Variants in CSNK1A1 observed in about 807,000 individuals in gnomAD.
The protein encoded by CSNK1A1 is casein kinase 1 alpha 1, also known as casein kinase I isoform alpha.
In CSNK1A1, 7 loss-of-function variants were observed where a neutral mutation model predicts 46.1. That is an observed-to-expected ratio of 0.15 (90% CI 0.09 to 0.29). CSNK1A1 has a LOEUF of 0.29. Ranked by LOEUF, CSNK1A1 falls within the 10% of genes least tolerant of loss-of-function variation. The probability of loss-of-function intolerance (pLI) is 1.00; values close to 1 mark genes in which losing one functional copy is unlikely to be tolerated. For missense variants in CSNK1A1, 96 were observed against 417.1 expected, an observed-to-expected ratio of 0.23 and a Z score of 6.71; for synonymous variants, 137 against 141.5, an observed-to-expected ratio of 0.97 and a Z score of 0.23.
intron 9 of CSNK1A1, chr5:149,501,691 TCCA>T: frequency 1.0e-6 from 1 of 985,402 alleles, no homozygotes; most frequent in Non-Finnish European, 1.2e-6. Flanking sequence ...TATCCAAGAA[TCCA>T]CCTTTGGGTT....
chr5:149,548,817 C>A (rs1333220152), intron 2 of CSNK1A1, among the ~76,000 whole-genome samples: 1 of 152,210 alleles, frequency 6.6e-6, no homozygotes, highest in Non-Finnish European at 1.5e-5. Context: ...CCATTCATTG[C>A]ACTCCAGCCT....
Position 149,550,382 on chromosome 5 carries a change from T to A in CSNK1A1, c.124-201A>T, listed in dbSNP as rs1043706472. ...AGGGGGTAGTGACGAAATCCGTACG[T>A]CCTCTAAAGTGCAGGAAAATGATTC... On this transcript the variant is annotated intron_variant, in intron 1 of 9. Coordinates refer to ENST00000377843, the MANE Select transcript of CSNK1A1 (RefSeq NM_001892.6). This position sits in a 1 kb window ranked among gnomAD's most constrained non-coding sequence, Gnocchi z 4.3. The A allele has an allele frequency of 7.3e-7, 1 of 1,367,306 alleles. No individual in the cohort carries two copies. The highest frequency in any genetic ancestry group is 9.4e-7 in the Non-Finnish European group (1 of 1,061,106). 84.7% of individuals were successfully genotyped at this position (1,367,306 alleles called of 1,614,324 possible).
chr5:149,510,115 C>T (rs1761170011), intron 6 of CSNK1A1, among the ~76,000 whole-genome samples, 162 bp from the exon 7 acceptor site: 1 of 151,968 alleles, frequency 6.6e-6, no homozygotes, highest in African/African-American at 2.4e-5. Context: ...AAAAATTTTT[C>T]CCAAACTGTT....
intron 2 of CSNK1A1, among the ~76,000 whole-genome samples, chr5:149,541,970 C>CAA (rs1171466150): frequency 0.019 from 731 of 39,340 alleles, 26 homozygotes; most frequent in African/African-American, 0.031. Flanking sequence ...GACTGCATCT[C>CAA]AAAAAAAAAA....
At chr5:149,509,993 T>C in intron 6 of CSNK1A1, 40 bp from the exon 7 acceptor site, 2 of 1,370,462 alleles carry the variant, frequency 1.5e-6, no homozygotes, top group Non-Finnish European at 1.0e-6. Context: ...TACTCAGTGC[T>C]ACTGAGAAGA....
At chr5:149,546,185 A>G (rs1369964849) in intron 2 of CSNK1A1, among the ~76,000 whole-genome samples, 1 of 151,668 alleles carries the variant, frequency 6.6e-6, no homozygotes, top group Admixed American at 6.6e-5. Flanking sequence ...TACAGGCGTG[A>G]GCCATGGCGC....
rs181904158 is a variant in CSNK1A1, at chr5:149,544,860, G to C, written c.230+5215C>G. Among the ~76,000 whole-genome samples, 3 of 150,528 alleles carry C rather than the reference G, an allele frequency of 2.0e-5. No homozygotes were observed. The East Asian group carries it at 5.9e-4, about 29-fold the overall frequency. ...GGAGTCAAGTTATACTTGGGGCCAG[G>C]TGCAGTGGTCCATGCCTGTAATCCC... On this transcript the variant is annotated intron_variant, in intron 2 of 9. Coordinates refer to ENST00000377843, the MANE Select transcript of CSNK1A1 (RefSeq NM_001892.6).
chr5:149,532,321 G>A (rs1761928130), intron 2 of CSNK1A1, among the ~76,000 whole-genome samples: 1 of 151,762 alleles, frequency 6.6e-6, no homozygotes, highest in Admixed American at 6.6e-5. Context: ...CAGCCGGGCG[G>A]AGTGGCTCAT....
In CSNK1A1 at chr5:149,505,439, C is replaced by T; in HGVS notation, c.1006+8G>A. 1 of 1,611,988 alleles carries T rather than the reference C, an allele frequency of 6.2e-7. No homozygotes were observed. Among genetic ancestry groups the T allele is most frequent in the Non-Finnish European group, 8.5e-7 (1 of 1,178,768 alleles). ...CCCTGTAACGTCACTTGGTTCTTGG[C>T]TACTAACCTTTCATGTTACTCTTGG... is the stretch of plus-strand genomic sequence containing the variant. On this transcript the variant is annotated splice_region_variant and intron_variant, in intron 9 of 9. Coordinates refer to ENST00000377843, the MANE Select transcript of CSNK1A1 (RefSeq NM_001892.6).
intron 6 of CSNK1A1, 36 bp downstream of exon 6, chr5:149,511,758 G>T: frequency 2.2e-6 from 3 of 1,392,342 alleles, no homozygotes; most frequent in Admixed American, 1.9e-5. Context: ...TTCTAAAAAA[G>T]AGAGAGAAAA....
chr5:149,516,188 C>A (rs544850548), intron 4 of CSNK1A1, among the ~76,000 whole-genome samples: 1 of 152,022 alleles, frequency 6.6e-6, no homozygotes, highest in African/African-American at 2.4e-5. Flanking sequence ...GGCATGGTGG[C>A]GCATACCTGT....
intron 2 of CSNK1A1, among the ~76,000 whole-genome samples, chr5:149,540,913 A>G (rs965694375): frequency 6.6e-6 from 1 of 151,626 alleles, no homozygotes; most frequent in African/African-American, 2.4e-5. Flanking sequence ...CCCCATTTCT[A>G]CAAAAATACA....
At position 149,542,652 on chromosome 5, in the gene CSNK1A1, A is replaced by G. The variant is rs1160531049; in HGVS notation, c.230+7423T>C. 3.3e-3 allele frequency among the ~76,000 whole-genome samples: 21 copies of G among 6,316 alleles called. 2 individuals carry two copies. Among genetic ancestry groups the G allele is most frequent in the African/African-American group, 0.018 (15 of 844 alleles). 4.1% of individuals were successfully genotyped at this position (6,316 alleles called of 152,430 possible). ...TATATATATATATGTATATATATAT[A>G]TATATATATATATATATATGTATAT... On this transcript the variant is annotated intron_variant, in intron 2 of 9. Coordinates refer to ENST00000377843, the MANE Select transcript of CSNK1A1 (RefSeq NM_001892.6).
At chr5:149,528,187 T>C (rs1464920046) in intron 2 of CSNK1A1, among the ~76,000 whole-genome samples, 1 of 152,182 alleles carries the variant, frequency 6.6e-6, no homozygotes, top group Non-Finnish European at 1.5e-5. Flanking sequence ...GCATTCTTCA[T>C]CCTTGCTTAA....
At chr5:149,497,055 G>A in intron 9 of CSNK1A1, 195 bp from the exon 10 acceptor site, 4 of 1,407,200 alleles carry the variant, frequency 2.8e-6, no homozygotes, top group Non-Finnish European at 3.7e-6. Context: ...AATTTTTTCT[G>A]TTTTGAATGA....
chr5:149,528,280 C>T (rs1269085448), intron 2 of CSNK1A1, among the ~76,000 whole-genome samples: 4 of 152,086 alleles, frequency 2.6e-5, no homozygotes, highest in African/African-American at 7.2e-5. Context: ...AAAAAATAAG[C>T]GTCTCAAAGG....
At chr5:149,503,651 TC>T in intron 9 of CSNK1A1, 4 of 985,376 alleles carry the variant, frequency 4.1e-6, no homozygotes, top group Non-Finnish European at 3.6e-6. Context: ...TACAGTTCTT[TC>T]CCCCGCCCCA....
At position 149,513,133 on chromosome 5, in the gene CSNK1A1, T is replaced by C; in HGVS notation, c.533A>G (p.Asp178Gly). 6.2e-7 allele frequency: 1 copy of C among 1,614,192 alleles called. No individual in the cohort carries two copies. The highest frequency in any genetic ancestry group is 8.5e-7 in the Non-Finnish European group (1 of 1,180,016). ...TCGGGCAGTGCCAGTGAGGTTTTTATCTTCTCTGTATGGTATGTGTTGCCT... is the reference window on the plus strand; with the variant it reads ...TCGGGCAGTGCCAGTGAGGTTTTTACCTTCTCTGTATGGTATGTGTTGCCT... ...RTRQHIPYRE[D>G]KNLTGTARYA... Residue 178 changes from aspartate (D) to glycine (G), a missense_variant, in exon 5 of 10, where the codon GAT (aspartate) becomes GGT (glycine). By Grantham distance (94) the Asp-to-Gly change is moderately conservative. Transcript: ENST00000377843.
intron 2 of CSNK1A1, among the ~76,000 whole-genome samples, chr5:149,534,409 G>A (rs1382364372): frequency 5.4e-5 from 8 of 147,886 alleles, no homozygotes; most frequent in Admixed American, 1.4e-4. Context: ...GCTTGAACCC[G>A]GGAGGCGGGG....
Sources: allele counts gnomAD v4.1 joint callset (sites outside exome capture counted in the v4.1 genomes callset), GRCh38; gene constraint gnomAD v4.1.1; non-coding constraint Gnocchi (gnomAD v3.1); transcripts MANE v1.5; gene names NCBI Gene and HGNC (gene_info 2026-07-23, HGNC 2026-07-21).